The following NECTIN3 variants were observed in gnomAD, a reference collection of about 807,000 sequenced individuals.
NECTIN3 encodes the protein nectin cell adhesion molecule 3.
Under a neutral mutation model 49.4 loss-of-function variants are expected in NECTIN3, and 8 were observed. That is an observed-to-expected ratio of 0.16 (90% CI 0.10 to 0.29). The LOEUF (loss-of-function observed/expected upper bound fraction) is 0.29. Ranked by LOEUF, NECTIN3 falls within the 10% of genes least tolerant of loss-of-function variation. NECTIN3 has a pLI of 1.00. For missense variants in NECTIN3, 581 were observed against 654.6 expected, an observed-to-expected ratio of 0.89 and a Z score of 1.23; for synonymous variants, 277 against 241.1, an observed-to-expected ratio of 1.15 and a Z score of -1.38.
chr3:111,094,281 A>G (rs962039615), intron 1 of NECTIN3, among the ~76,000 whole-genome samples: 2 of 152,158 alleles, frequency 1.3e-5, no homozygotes, highest in Admixed American at 6.5e-5. Context: ...ATACTTCTCA[A>G]TATTTCACCC....
At chr3:111,075,645 T>G (rs949013922) in intron 1 of NECTIN3, among the ~76,000 whole-genome samples, 3 of 152,192 alleles carry the variant, frequency 2.0e-5, no homozygotes, top group Non-Finnish European at 4.4e-5. Flanking sequence ...CTTTCTGTAT[T>G]TGTACTTTAC....
chr3:111,091,156 A>T (rs1429343751), intron 1 of NECTIN3, among the ~76,000 whole-genome samples: 2 of 152,192 alleles, frequency 1.3e-5, no homozygotes, highest in East Asian at 1.9e-4. Flanking sequence ...TCCTAACACT[A>T]TACAACACTA....
At chr3:111,141,859 A>G (rs564133252), downstream of NECTIN3, among the ~76,000 whole-genome samples, 1 of 152,096 alleles carries the variant, frequency 6.6e-6, no homozygotes, top group African/African-American at 2.4e-5. Flanking sequence ...TCATTCACTC[A>G]GTAAACTACC....
At chr3:111,102,683 A>G (rs1448089286) in intron 1 of NECTIN3, among the ~76,000 whole-genome samples, 3 of 152,150 alleles carry the variant, frequency 2.0e-5, no homozygotes, top group African/African-American at 7.2e-5. Flanking sequence ...TCTTTTATGG[A>G]TCATGCCTTT....
At chr3:111,117,958 A>G (rs1390755115) in intron 2 of NECTIN3, among the ~76,000 whole-genome samples, 1 of 151,984 alleles carries the variant, frequency 6.6e-6, no homozygotes, top group African/African-American at 2.4e-5. Flanking sequence ...ACTATTAGTG[A>G]TGGTACGTTA....
chr3:111,076,992 A>T (rs1423095793), intron 1 of NECTIN3, among the ~76,000 whole-genome samples: 2 of 151,684 alleles, frequency 1.3e-5, no homozygotes, highest in Non-Finnish European at 2.9e-5. Context: ...AAAAAAAAAA[A>T]TCTGAAACTT....
At chr3:111,102,059 G>A (rs1232162893) in intron 1 of NECTIN3, among the ~76,000 whole-genome samples, 1 of 152,016 alleles carries the variant, frequency 6.6e-6, no homozygotes, top group African/African-American at 2.4e-5. Flanking sequence ...AATTTATATG[G>A]CCCAGGGTAA....
At chr3:111,082,886 A>T (rs567158134) in intron 1 of NECTIN3, among the ~76,000 whole-genome samples, 1 of 152,340 alleles carries the variant, frequency 6.6e-6, no homozygotes, top group East Asian at 1.9e-4. Flanking sequence ...GTGACAGATC[A>T]TCAGGCATTA....
intron 1 of NECTIN3, among the ~76,000 whole-genome samples, chr3:111,075,862 G>T (rs568150551): frequency 6.6e-6 from 1 of 152,206 alleles, no homozygotes; most frequent in East Asian, 1.9e-4. Flanking sequence ...GAATGTTAGT[G>T]ATCATACTGA....
intron 7 of NECTIN3, among the ~76,000 whole-genome samples, chr3:111,152,404 T>C (rs2035018755): frequency 6.6e-6 from 1 of 151,918 alleles, no homozygotes; most frequent in South Asian, 2.1e-4. Context: ...AGTATGTATA[T>C]GTATACCACT....
intron 1 of NECTIN3, among the ~76,000 whole-genome samples, chr3:111,103,562 G>A (rs1216622674): frequency 1.3e-5 from 2 of 151,316 alleles, no homozygotes; most frequent in East Asian, 3.9e-4. Context: ...GATTAGAAAG[G>A]AAGTTTTATT....
intron 1 of NECTIN3, among the ~76,000 whole-genome samples, chr3:111,090,929 A>T (rs1179058076): frequency 7.1e-6 from 1 of 140,134 alleles, no homozygotes; most frequent in African/African-American, 2.6e-5. Flanking sequence ...CATTAGTGCT[A>T]GTGTGTGTGT....
At chr3:111,147,149 T>G (rs1341906239) in intron 6 of NECTIN3, among the ~76,000 whole-genome samples, 1 of 152,182 alleles carries the variant, frequency 6.6e-6, no homozygotes. Context: ...ATTTCAATTC[T>G]TCTATTTTAA....
intron 7 of NECTIN3, among the ~76,000 whole-genome samples, chr3:111,148,945 C>A (rs1432283844): frequency 3.3e-5 from 5 of 152,006 alleles, no homozygotes; most frequent in Non-Finnish European, 7.4e-5. Flanking sequence ...TTCCTTCTCT[C>A]TCCTTGAACT....
chr3:111,132,651 A>G (rs1036875846), intron 5 of NECTIN3, among the ~76,000 whole-genome samples: 7 of 151,900 alleles, frequency 4.6e-5, no homozygotes, highest in Admixed American at 2.0e-4. Flanking sequence ...TTGCTTTTTA[A>G]TATTACTGGC....
Position 111,122,146 on chromosome 3 carries a change from A to G in NECTIN3, c.825A>G (p.Gly275=), listed in dbSNP as rs1049130364. The stretch of plus-strand genomic sequence containing the variant: ...ATGCTCCTGAAGTTTCGGTAACAGG[A>G]TATGATGGAAATTGGTTTGTAGGAA... The part of the protein sequence containing the change: ...IQYAPEVSVT[G]YDGNWFVGRK... Residue 275 remains glycine (G), a synonymous_variant, in exon 4 of 6, where the codon GGA becomes GGG. Transcript: ENST00000485303. 2 of 1,612,782 alleles carry G rather than the reference A, an allele frequency of 1.2e-6. No individual in the cohort carries two copies. Among genetic ancestry groups the G allele is most frequent in the Non-Finnish European group, 1.7e-6 (2 of 1,179,096 alleles).
downstream of NECTIN3, among the ~76,000 whole-genome samples, chr3:111,142,246 T>A (rs973721682): frequency 6.6e-6 from 1 of 151,924 alleles, no homozygotes; most frequent in Non-Finnish European, 1.5e-5. Context: ...TCCCATATGC[T>A]TATTTAGCAT....
chr3:111,149,459 ATGTGTGTGTG>A (rs56219611), intron 7 of NECTIN3, among the ~76,000 whole-genome samples: 2,958 of 128,384 alleles, frequency 0.023, 91 homozygotes, highest in African/African-American at 0.071. Flanking sequence ...TTCTGGTAGG[ATGTGTGTGTG>A]TGTGTGTGTG....
chr3:111,125,439 G>A (rs941237873), intron 4 of NECTIN3, among the ~76,000 whole-genome samples: 4 of 152,154 alleles, frequency 2.6e-5, no homozygotes, highest in Non-Finnish European at 5.9e-5. Flanking sequence ...ATTTTTAGCA[G>A]TGTGCCTAGT....
Sources: allele counts gnomAD v4.1 joint callset (sites outside exome capture counted in the v4.1 genomes callset), GRCh38; gene constraint gnomAD v4.1.1; transcripts MANE v1.5; gene names NCBI Gene and HGNC (gene_info 2026-07-23, HGNC 2026-07-21).